The following LRP1B variants were observed in gnomAD, a reference collection of about 807,000 sequenced individuals.
The protein encoded by LRP1B is low-density lipoprotein receptor-related protein 1B.
Under a neutral mutation model 556.6 loss-of-function variants are expected in LRP1B, and 217 were observed. That is an observed-to-expected ratio of 0.39 (90% CI 0.35 to 0.44). The LOEUF (loss-of-function observed/expected upper bound fraction) is 0.44, where lower values mean the gene tolerates loss of function less well. Ranked by LOEUF, LRP1B falls within the 20% of genes least tolerant of loss-of-function variation. LRP1B has a pLI of 1.00. For synonymous variants in LRP1B, 2,047 were observed against 1,865.8 expected (o/e 1.10, Z -2.50); for missense variants, 5,053 against 5,620.8 (o/e 0.90, Z 3.23).
At chr2:140,309,074 A>G (rs1196620336) in intron 83 of LRP1B, among the ~76,000 whole-genome samples, 1 of 151,838 alleles carries the variant, frequency 6.6e-6, no homozygotes, top group African/African-American at 2.4e-5. Flanking sequence ...AGTCTTTTCA[A>G]TAAGGAGATT....
chr2:140,676,212 G>A (rs967221511), intron 41 of LRP1B, among the ~76,000 whole-genome samples: 1 of 152,060 alleles, frequency 6.6e-6, no homozygotes, highest in African/African-American at 2.4e-5. Flanking sequence ...TCAGATAAAA[G>A]CGCAAGAGTA....
At chr2:141,598,228 C>T (rs1314704556) in intron 2 of LRP1B, among the ~76,000 whole-genome samples, 2 of 151,778 alleles carry the variant, frequency 1.3e-5, no homozygotes, top group Non-Finnish European at 2.9e-5. Context: ...TCTTGAATAC[C>T]ACAGTGTCCT....
intron 3 of LRP1B, among the ~76,000 whole-genome samples, chr2:141,287,086 T>C (rs1258650180): frequency 6.6e-6 from 1 of 152,216 alleles, no homozygotes; most frequent in Non-Finnish European, 1.5e-5. Context: ...GTTCCCTCTA[T>C]CTTTGTCTTC....
At chr2:141,358,427 G>C (rs1688702549) in intron 3 of LRP1B, among the ~76,000 whole-genome samples, 2 of 152,346 alleles carry the variant, frequency 1.3e-5, no homozygotes, top group Middle Eastern at 3.4e-3. Context: ...GTTATCTGCT[G>C]TCCAGAGCCA....
intron 2 of LRP1B, among the ~76,000 whole-genome samples, chr2:141,501,708 G>T (rs1277257824): frequency 6.6e-6 from 1 of 152,154 alleles, no homozygotes; most frequent in Admixed American, 6.6e-5. Context: ...TATTCATGAT[G>T]TAGTTGTAGC....
intron 2 of LRP1B, among the ~76,000 whole-genome samples, chr2:141,787,786 A>G (rs897260785): frequency 2.0e-5 from 3 of 151,938 alleles, no homozygotes; most frequent in Non-Finnish European, 4.4e-5. Flanking sequence ...TGATGTGAGT[A>G]CTATACTTGG....
chr2:140,629,763 T>A (rs1683811789), intron 41 of LRP1B, among the ~76,000 whole-genome samples: 2 of 152,212 alleles, frequency 1.3e-5, no homozygotes. Context: ...TGCACAGATA[T>A]TACCTCTCTG....
At position 140,280,051 on chromosome 2, in the gene LRP1B, T is replaced by C. The variant is rs1682851298; in HGVS notation, c.12968-5453A>G. On this transcript the variant is annotated intron_variant, in intron 84 of 90. Coordinates refer to ENST00000389484, the MANE Select transcript of LRP1B (RefSeq NM_018557.3). ...CGGATTTATTTTTTATATTTCACTT[T>C]TGCTAAGTGAAATGTTAGTGAATAT... is the stretch of plus-strand genomic sequence containing the variant. Among the ~76,000 whole-genome samples, 9 of 151,972 alleles carry C rather than the reference T, an allele frequency of 5.9e-5. No individual in the cohort carries two copies. In the South Asian group the frequency reaches 1.9e-3, roughly 32 times the overall value.
At chr2:141,643,803 C>A (rs1176480295) in intron 2 of LRP1B, among the ~76,000 whole-genome samples, 1 of 152,080 alleles carries the variant, frequency 6.6e-6, no homozygotes, top group East Asian at 1.9e-4. Flanking sequence ...TCAACATATA[C>A]TAGTCATGTG....
At chr2:141,125,306 C>A (rs905836249) in intron 7 of LRP1B, among the ~76,000 whole-genome samples, 4 of 152,166 alleles carry the variant, frequency 2.6e-5, no homozygotes, top group African/African-American at 9.7e-5. Flanking sequence ...TTAAAAGATC[C>A]ATGGCTCATT....
At chr2:140,238,782 A>G (rs1331665962) in intron 88 of LRP1B, among the ~76,000 whole-genome samples, 1 of 150,732 alleles carries the variant, frequency 6.6e-6, no homozygotes, top group Admixed American at 6.6e-5. Flanking sequence ...CCATCACCCA[A>G]ATAATGTACG....
chr2:141,742,247 C>A (rs1267368514), intron 2 of LRP1B, among the ~76,000 whole-genome samples: 1 of 105,870 alleles, frequency 9.4e-6, no homozygotes, highest in Non-Finnish European at 1.8e-5. Context: ...TTTTTTTTTT[C>A]TTTCTTTCTT....
chr2:141,285,268 T>C (rs1553487892), intron 3 of LRP1B, among the ~76,000 whole-genome samples: 1 of 151,018 alleles, frequency 6.6e-6, no homozygotes, highest in Non-Finnish European at 1.5e-5. Context: ...TTTTTATTTT[T>C]AGTAGAGACA....
chr2:141,710,842 A>C (rs936481801), intron 2 of LRP1B, among the ~76,000 whole-genome samples: 1 of 152,204 alleles, frequency 6.6e-6, no homozygotes, highest in African/African-American at 2.4e-5. Flanking sequence ...GAGCTTAGCC[A>C]AGGTAACACT....
At chr2:140,719,738 C>T (rs746956194) in intron 35 of LRP1B, among the ~76,000 whole-genome samples, 2 of 152,004 alleles carry the variant, frequency 1.3e-5, no homozygotes, top group South Asian at 2.1e-4. Flanking sequence ...CATATTTTCT[C>T]GTATCCTTTC....
chr2:141,301,344 A>C (rs1200814875), intron 3 of LRP1B, among the ~76,000 whole-genome samples: 1 of 152,188 alleles, frequency 6.6e-6, no homozygotes, highest in Non-Finnish European at 1.5e-5. Flanking sequence ...ATGGTAATAC[A>C]GTGAATATGT....
chr2:141,855,508 T>C (rs1347840318), intron 1 of LRP1B, among the ~76,000 whole-genome samples: 1 of 152,136 alleles, frequency 6.6e-6, no homozygotes, highest in Non-Finnish European at 1.5e-5. Context: ...GCCAAGCTCA[T>C]ACATGCTTTA....
At chr2:140,647,672 A>T (rs1244491423) in intron 41 of LRP1B, among the ~76,000 whole-genome samples, 1 of 152,210 alleles carries the variant, frequency 6.6e-6, no homozygotes, top group African/African-American at 2.4e-5. Context: ...AATACTTTTT[A>T]AAAAATTATG....
At chr2:140,845,091 AAAC>A (rs1692234465) in intron 29 of LRP1B, among the ~76,000 whole-genome samples, 1 of 152,192 alleles carries the variant, frequency 6.6e-6, no homozygotes, top group South Asian at 2.1e-4. Context: ...TAAAAAATAA[AAAC>A]AAAACTTTTT....
Sources: allele counts gnomAD v4.1 joint callset (sites outside exome capture counted in the v4.1 genomes callset), GRCh38; gene constraint gnomAD v4.1.1; transcripts MANE v1.5; gene names NCBI Gene and HGNC (gene_info 2026-07-23, HGNC 2026-07-21).